C4orf51: variants seen among roughly 807,000 people sequenced by gnomAD.
C4orf51 encodes the protein uncharacterized protein C4orf51.
C4orf51 carries 25 observed loss-of-function variants against 25.2 expected under a neutral mutation model. The ratio of observed to expected loss-of-function variants is 0.99; its 90% CI spans 0.72 to 1.39. C4orf51 has a LOEUF of 1.39. Ranked by LOEUF, C4orf51 falls within the 40% of genes most tolerant of loss-of-function variation. C4orf51 has a pLI of 0.00. For synonymous variants in C4orf51, 100 were observed against 84.5 expected (o/e 1.18, Z -1.01); for missense variants, 252 against 239.6 (o/e 1.05, Z -0.34).
intron 1 of C4orf51, among the ~76,000 whole-genome samples, chr4:145,687,525 T>A (rs1729243320): frequency 6.6e-6 from 1 of 152,180 alleles, no homozygotes; most frequent in African/African-American, 2.4e-5. Context: ...AGGACAAAAT[T>A]TACTTTTCTG....
the C4orf51 span, among the ~76,000 whole-genome samples, chr4:145,780,864 A>T: frequency 1.3e-5 from 2 of 152,366 alleles, no homozygotes; most frequent in Non-Finnish European, 2.9e-5. Context: ...ATGTGGTGAT[A>T]ATTGAATGGT....
At chr4:145,693,871 G>T (rs1578933382) in intron 1 of C4orf51, among the ~76,000 whole-genome samples, 4 of 135,360 alleles carry the variant, frequency 3.0e-5, no homozygotes, top group Admixed American at 1.4e-4. Flanking sequence ...CCCGGACGGG[G>T]TGGCTGCCGG....
At chr4:145,734,785 A>G (rs1388767318), downstream of C4orf51, among the ~76,000 whole-genome samples, 1 of 152,208 alleles carries the variant, frequency 6.6e-6, no homozygotes, top group African/African-American at 2.4e-5. Flanking sequence ...GGTGCCACGG[A>G]GCACAGACCA....
chr4:145,755,639 A>T (rs1455706652), downstream of C4orf51, among the ~76,000 whole-genome samples: 1 of 152,206 alleles, frequency 6.6e-6, no homozygotes, highest in Non-Finnish European at 1.5e-5. Flanking sequence ...AACCCTTCAG[A>T]TGTTGTACAG....
intron 1 of C4orf51, among the ~76,000 whole-genome samples, chr4:145,753,573 A>G (rs746159892): frequency 6.6e-6 from 1 of 152,166 alleles, no homozygotes; most frequent in African/African-American, 2.4e-5. Context: ...CCAGCCCCAT[A>G]TTCCTGGGGG....
At chr4:145,705,228 A>G (rs1730726401) in intron 2 of C4orf51, among the ~76,000 whole-genome samples, 1 of 152,186 alleles carries the variant, frequency 6.6e-6, no homozygotes, top group Non-Finnish European at 1.5e-5. Flanking sequence ...CCATTCATCA[A>G]ACTCCTGAGA....
At chr4:145,724,402 TA>T (rs951790650) in intron 2 of C4orf51, among the ~76,000 whole-genome samples, 31 of 147,124 alleles carry the variant, frequency 2.1e-4, no homozygotes, top group South Asian at 6.5e-4. Flanking sequence ...ATACCTTCTT[TA>T]AAAAAAAAAA....
chr4:145,760,810 A>G, intron 1 of C4orf51: 2 of 1,183,730 alleles, frequency 1.7e-6, no homozygotes, highest in Non-Finnish European at 2.1e-6. Flanking sequence ...TCTCAGTCCG[A>G]GATAGGCCAG....
chr4:145,707,191 G>A (rs747067854), intron 2 of C4orf51, among the ~76,000 whole-genome samples: 10 of 151,992 alleles, frequency 6.6e-5, no homozygotes, highest in Non-Finnish European at 1.5e-4. Flanking sequence ...CACCCGCCTC[G>A]GCCTCCCAAA....
chr4:145,725,149 C>T (rs1426426020), intron 2 of C4orf51, among the ~76,000 whole-genome samples: 1 of 151,364 alleles, frequency 6.6e-6, no homozygotes, highest in Non-Finnish European at 1.5e-5. Context: ...ACTCATGTAA[C>T]CAAACACCGC....
chr4:145,697,039 A>C (rs796481801), intron 2 of C4orf51, among the ~76,000 whole-genome samples: 121 of 99,100 alleles, frequency 1.2e-3, no homozygotes, highest in African/African-American at 4.9e-3. Context: ...GTCTGAAAAA[A>C]CAAAACAAAA....
chr4:145,692,967 T>G (rs915496375), intron 1 of C4orf51, among the ~76,000 whole-genome samples: 2 of 144,976 alleles, frequency 1.4e-5, no homozygotes, highest in African/African-American at 5.1e-5. Context: ...TTTTTTTTTT[T>G]TTTTTTTTTT....
At position 145,729,886 on chromosome 4, in the gene C4orf51, C is replaced by T. The variant is rs906192281; in HGVS notation, c.428-6C>T. The T allele has an allele frequency of 2.5e-6, 4 of 1,612,446 alleles. No individual in the cohort carries two copies. Among genetic ancestry groups the T allele is most frequent in the African/African-American group, 1.3e-5 (1 of 74,892 alleles). On this transcript the variant is annotated splice_region_variant and splice_polypyrimidine_tract_variant and intron_variant, in intron 4 of 5. Coordinates refer to ENST00000438731, the MANE Select transcript of C4orf51 (RefSeq NM_001080531.3). ...CACTCACACATTGGCTATCTCTTCA[C>T]CCTAGGTGTGAGACCTAAAAAGCCA...
In C4orf51 at chr4:145,765,303, T is replaced by C; in HGVS notation, n.167-5685T>C. 1.9e-6 allele frequency: 2 copies of C among 1,051,968 alleles called. No individual in the cohort carries two copies. Among genetic ancestry groups the C allele is most frequent in the Non-Finnish European group, 2.7e-6 (2 of 746,526 alleles). 65.2% of individuals were successfully genotyped at this position (1,051,968 alleles called of 1,614,324 possible). A position where few individuals can be genotyped will look rare whatever the true frequency, so the allele number is the denominator to read the frequency against. ...ATACCCTTCCAGGCACTGTTCCCCA[T>C]ATCTCTGTGCTAAAAGGAGTTAAAT... On this transcript the variant is annotated intron_variant and non_coding_transcript_variant, in intron 1 of 1. Transcript: ENST00000510096. This position sits in a 1 kb window ranked among gnomAD's most constrained non-coding sequence, Gnocchi z 4.7.
intron 1 of C4orf51, among the ~76,000 whole-genome samples, chr4:145,696,061 A>C (rs1453887302): frequency 6.6e-6 from 1 of 152,216 alleles, no homozygotes; most frequent in Non-Finnish European, 1.5e-5. Context: ...GAAGAGATTG[A>C]GATCATCCAG....
intron 1 of C4orf51, chr4:145,760,861 T>A (rs1403788335): frequency 8.2e-6 from 10 of 1,216,654 alleles, no homozygotes; most frequent in Non-Finnish European, 1.0e-5. Flanking sequence ...AGGCGCAGTC[T>A]GAGGTCGGGG....
At chr4:145,775,003 G>T (rs184964946), downstream of C4orf51, among the ~76,000 whole-genome samples, 242 of 152,294 alleles carry the variant, frequency 1.6e-3, 1 homozygote, top group African/African-American at 5.7e-3. Flanking sequence ...GAGATGTGGG[G>T]TAGCATTGCC....
chr4:145,693,441 C>A (rs189056643), intron 1 of C4orf51, among the ~76,000 whole-genome samples: 1 of 152,118 alleles, frequency 6.6e-6, no homozygotes, highest in Non-Finnish European at 1.5e-5. Context: ...TCCTTCCACA[C>A]AGACACGGCA....
downstream of C4orf51, chr4:145,774,736 G>C (rs1189030888): frequency 6.5e-6 from 10 of 1,538,312 alleles, no homozygotes; most frequent in East Asian, 2.3e-4. Context: ...CTAAATGTAG[G>C]CTGTCCATTT....
Sources: allele counts gnomAD v4.1 joint callset (sites outside exome capture counted in the v4.1 genomes callset), GRCh38; gene constraint gnomAD v4.1.1; non-coding constraint Gnocchi (gnomAD v3.1); transcripts MANE v1.5; gene names NCBI Gene and HGNC (gene_info 2026-07-23, HGNC 2026-07-21).